RBFOX1: variants seen among roughly 807,000 people sequenced by gnomAD.
RBFOX1 encodes the protein RNA binding fox-1 homolog 1.
RBFOX1 carries 8 observed loss-of-function variants against 57.7 expected under a neutral mutation model. That is an observed-to-expected ratio of 0.14 (90% CI 0.08 to 0.25). The LOEUF (loss-of-function observed/expected upper bound fraction) is 0.25, where lower values mean the gene tolerates loss of function less well. Ranked by LOEUF, RBFOX1 falls within the 10% of genes least tolerant of loss-of-function variation. RBFOX1 has a pLI of 1.00. For synonymous variants in RBFOX1, 326 were observed against 222.4 expected (o/e 1.47, Z -4.15); for missense variants, 611 against 548.5 (o/e 1.11, Z -1.14).
In RBFOX1 at chr16:6,779,929, ATATATATTTATATATATTTATATATT is replaced by A. The variant is rs2080255301; in HGVS notation, c.-16+125321_-16+125346del. ...TATATTTATATATTTATATATATTTATATATATTTATATATATTTATATATTTATATATTTATATATATTTATATAT... is the reference window on the plus strand; with the variant it reads ...TATATTTATATATTTATATATATTTATATATATTTATATATATTTATATAT... On this transcript the variant is annotated intron_variant, in intron 3 of 15. Coordinates refer to ENST00000550418, the MANE Select transcript of RBFOX1 (RefSeq NM_018723.4). 3.5e-4 allele frequency among the ~76,000 whole-genome samples: 5 copies of A among 14,196 alleles called. 1 individual carries two copies. The highest frequency in any genetic ancestry group is 0.038 in the Middle Eastern group (1 of 26). 9.3% of individuals were successfully genotyped at this position (14,196 alleles called of 152,430 possible).
Position 5,591,580 on chromosome 16 carries a change from T to C in RBFOX1, c.259-7322T>C, listed in dbSNP as rs545707934. Among the ~76,000 whole-genome samples, 5 of 152,280 alleles carry C rather than the reference T, an allele frequency of 3.3e-5. No individual in the cohort carries two copies. The South Asian group carries it at 1.0e-3, about 32-fold the overall frequency. ...ATGAGCCTTTTAAAAAATATCAGTTTCTTCTCTGTCTTCTGAAGATTTCAG... is the reference window on the plus strand; with the variant it reads ...ATGAGCCTTTTAAAAAATATCAGTTCCTTCTCTGTCTTCTGAAGATTTCAG... On this transcript the variant is annotated intron_variant, in intron 2 of 2. Coordinates refer to the RBFOX1 transcript ENST00000585867.
chr16:7,687,077 A>G (rs1407795951), intron 14 of RBFOX1, among the ~76,000 whole-genome samples: 1 of 152,118 alleles, frequency 6.6e-6, no homozygotes, highest in Non-Finnish European at 1.5e-5. Context: ...CCCCCTTTTC[A>G]AAAAGAGATA....
chr16:6,511,131 A>G (rs1001405907), intron 2 of RBFOX1, among the ~76,000 whole-genome samples: 4 of 152,178 alleles, frequency 2.6e-5, no homozygotes, highest in African/African-American at 9.6e-5. Flanking sequence ...GATAAAGCCC[A>G]GTGTGCCTCC....
chr16:7,147,475 C>G (rs767911236), intron 4 of RBFOX1, among the ~76,000 whole-genome samples: 5 of 151,982 alleles, frequency 3.3e-5, no homozygotes, highest in Non-Finnish European at 7.4e-5. Context: ...TTCCCACTCC[C>G]CTGCATCTCA....
At chr16:5,683,285 A>G (rs537522748) in intron 3 of RBFOX1, among the ~76,000 whole-genome samples, 4 of 152,242 alleles carry the variant, frequency 2.6e-5, no homozygotes, top group East Asian at 3.9e-4. Flanking sequence ...TTCCTTGCCA[A>G]TGCCCAGGTT....
intron 4 of RBFOX1, among the ~76,000 whole-genome samples, chr16:7,288,616 A>G (rs1305388726): frequency 2.0e-5 from 3 of 152,184 alleles, no homozygotes; most frequent in African/African-American, 4.8e-5. Flanking sequence ...TGAGCTGGGC[A>G]GATCACTTGA....
intron 3 of RBFOX1, among the ~76,000 whole-genome samples, chr16:5,779,746 G>A (rs1167692372): frequency 1.3e-5 from 2 of 152,122 alleles, no homozygotes; most frequent in Admixed American, 6.5e-5. Context: ...ATTTGGCCTT[G>A]GCTGCAGAAT....
At chr16:5,650,362 G>T (rs1217554424) in intron 3 of RBFOX1, among the ~76,000 whole-genome samples, 10 of 151,150 alleles carry the variant, frequency 6.6e-5, no homozygotes, top group Non-Finnish European at 1.3e-4. Flanking sequence ...TGGAGGGAGG[G>T]AGGGAGCCCC....
chr16:5,969,208 C>A (rs1352093844), intron 4 of RBFOX1, among the ~76,000 whole-genome samples: 1 of 149,320 alleles, frequency 6.7e-6, no homozygotes, highest in Non-Finnish European at 1.5e-5. Flanking sequence ...CTCTGGCATG[C>A]TTTTGTTATC....
chr16:6,862,082 G>T (rs1755554409), intron 3 of RBFOX1, among the ~76,000 whole-genome samples: 1 of 152,152 alleles, frequency 6.6e-6, no homozygotes, highest in Non-Finnish European at 1.5e-5. Context: ...TCGATGAGAA[G>T]ATGTCATTGG....
chr16:6,362,540 T>G (rs770938606), intron 2 of RBFOX1, among the ~76,000 whole-genome samples: 1 of 152,220 alleles, frequency 6.6e-6, no homozygotes, highest in South Asian at 2.1e-4. Flanking sequence ...CATATGAAAT[T>G]AAGTTTACCT....
chr16:7,206,364 C>T (rs2089970166), intron 4 of RBFOX1, among the ~76,000 whole-genome samples: 1 of 151,812 alleles, frequency 6.6e-6, no homozygotes, highest in Admixed American at 6.6e-5. Flanking sequence ...CTAACATACC[C>T]CTTATAAATA....
intron 4 of RBFOX1, among the ~76,000 whole-genome samples, chr16:7,375,389 C>G (rs2097666638): frequency 6.6e-6 from 1 of 152,128 alleles, no homozygotes; most frequent in Non-Finnish European, 1.5e-5. Context: ...ATGGAATATC[C>G]AGGAACCCCA....
intron 2 of RBFOX1, 150 bp from the exon 3 acceptor site, chr16:6,654,453 A>G (rs758641843): frequency 5.8e-5 from 36 of 618,724 alleles, no homozygotes; most frequent in Non-Finnish European, 8.8e-5. Flanking sequence ...AAAAAGCACT[A>G]TAAAGAGCAA....
At chr16:7,561,919 A>T (rs1033658609) in intron 5 of RBFOX1, among the ~76,000 whole-genome samples, 19 of 152,324 alleles carry the variant, frequency 1.2e-4, no homozygotes, top group African/African-American at 4.3e-4. Flanking sequence ...AGGATTTAGT[A>T]CCAAATACGA....
intron 1 of RBFOX1, among the ~76,000 whole-genome samples, chr16:6,181,695 A>C (rs999431687): frequency 9.8e-5 from 15 of 152,332 alleles, no homozygotes; most frequent in African/African-American, 3.1e-4. Context: ...GATTTTCCTC[A>C]AACTTTACCC....
chr16:6,328,634 C>T (rs1408112650), intron 2 of RBFOX1, among the ~76,000 whole-genome samples: 1 of 152,128 alleles, frequency 6.6e-6, no homozygotes, highest in Admixed American at 6.5e-5. Context: ...ACTATGTATG[C>T]AAAGTAGGAA....
intron 2 of RBFOX1, among the ~76,000 whole-genome samples, chr16:6,615,809 G>T (rs1428914988): frequency 1.3e-5 from 2 of 152,130 alleles, no homozygotes; most frequent in African/African-American, 4.8e-5. Context: ...GATGGATGGA[G>T]ACACAGCCGC....
At chr16:7,591,125 A>G (rs1350289522) in intron 7 of RBFOX1, among the ~76,000 whole-genome samples, 1 of 152,118 alleles carries the variant, frequency 6.6e-6, no homozygotes, top group Non-Finnish European at 1.5e-5. Flanking sequence ...AAGAAGGAAC[A>G]TTTAAGCTGA....
Sources: allele counts gnomAD v4.1 joint callset (sites outside exome capture counted in the v4.1 genomes callset), GRCh38; gene constraint gnomAD v4.1.1; transcripts MANE v1.5; gene names NCBI Gene and HGNC (gene_info 2026-07-23, HGNC 2026-07-21).